Variants in ILKAP observed in about 807,000 individuals in gnomAD.
ILKAP encodes the protein integrin-linked kinase-associated serine/threonine phosphatase 2C.
A neutral mutation model predicts 49.1 loss-of-function variants in ILKAP; 11 were observed. That is an observed-to-expected ratio of 0.22 (90% CI 0.14 to 0.37). The LOEUF (loss-of-function observed/expected upper bound fraction) is 0.37. ILKAP is among the 10% of genes least tolerant of loss of function. ILKAP has a pLI of 1.00. For synonymous variants in ILKAP, 186 were observed against 192.8 expected, an observed-to-expected ratio of 0.96 and a Z score of 0.29; for missense variants, 363 against 510.8, an observed-to-expected ratio of 0.71 and a Z score of 2.79.
At chr2:238,194,072 A>G (rs1189322215) in intron 3 of ILKAP, among the ~76,000 whole-genome samples, 1 of 152,266 alleles carries the variant, frequency 6.6e-6, no homozygotes, top group Admixed American at 6.5e-5. Flanking sequence ...CTGAACCTCA[A>G]GAAGTTAATA....
intron 9 of ILKAP, 68 bp from the exon 10 acceptor site, chr2:238,173,721 C>T: frequency 1.3e-6 from 2 of 1,521,432 alleles, no homozygotes; most frequent in East Asian, 2.3e-5. Context: ...CTTAGAATCT[C>T]ACCTTAAAAG....
intron 8 of ILKAP, 50 bp downstream of exon 8, chr2:238,183,603 T>C: frequency 7.7e-7 from 1 of 1,295,588 alleles, no homozygotes; most frequent in Non-Finnish European, 1.1e-6. Context: ...TAAAGTCTTT[T>C]CCCCATAAAA....
intron 1 of ILKAP, among the ~76,000 whole-genome samples, chr2:238,200,567 C>T (rs1305266237): frequency 6.6e-6 from 1 of 152,196 alleles, no homozygotes; most frequent in Non-Finnish European, 1.5e-5. Context: ...CCACTGTAAT[C>T]CCAGCACTCT....
intron 1 of ILKAP, among the ~76,000 whole-genome samples, chr2:238,196,030 T>C (rs1037381034): frequency 2.9e-5 from 3 of 102,288 alleles, no homozygotes; most frequent in African/African-American, 1.2e-4. Context: ...GGCAACACAG[T>C]GAGACTCTGT....
chr2:238,192,497 A>G (rs1694174079), intron 3 of ILKAP, among the ~76,000 whole-genome samples: 1 of 152,064 alleles, frequency 6.6e-6, no homozygotes, highest in Non-Finnish European at 1.5e-5. Flanking sequence ...CAGGAGATGG[A>G]AACCATCCTG....
intron 1 of ILKAP, among the ~76,000 whole-genome samples, chr2:238,198,440 T>C (rs1031382902): frequency 6.6e-6 from 1 of 152,170 alleles, no homozygotes; most frequent in Non-Finnish European, 1.5e-5. Context: ...GGTCTCACTA[T>C]GTTGCCCAGG....
chr2:238,176,088 T>C (rs1216384507), intron 9 of ILKAP, among the ~76,000 whole-genome samples: 2 of 147,098 alleles, frequency 1.4e-5, no homozygotes, highest in Non-Finnish European at 3.0e-5. Flanking sequence ...TCCCCTTCCC[T>C]CAGTTTCCCC....
intron 3 of ILKAP, among the ~76,000 whole-genome samples, chr2:238,193,595 A>C (rs1694230977): frequency 6.6e-6 from 1 of 152,226 alleles, no homozygotes; most frequent in Admixed American, 6.5e-5. Context: ...TGTGAGTGTG[A>C]GGATGCTGCA....
At chr2:238,201,181 GTTT>G (rs34064353) in intron 1 of ILKAP, among the ~76,000 whole-genome samples, 2 of 151,018 alleles carry the variant, frequency 1.3e-5, no homozygotes, top group East Asian at 1.9e-4. Context: ...TTCAAAGTAT[GTTT>G]TTTTTTTTTA....
intron 9 of ILKAP, among the ~76,000 whole-genome samples, chr2:238,175,626 AGCATCAC>A (rs1693417275): frequency 6.6e-6 from 1 of 152,210 alleles, no homozygotes; most frequent in Admixed American, 6.5e-5. Flanking sequence ...TCTGAGATCG[AGCATCAC>A]ACAAGGGTAA....
chr2:238,194,381 T>C, intron 2 of ILKAP, 50 bp from the exon 3 acceptor site: 6 of 1,568,040 alleles, frequency 3.8e-6, no homozygotes, highest in Non-Finnish European at 5.3e-6. Flanking sequence ...ATGTAAGACT[T>C]AAGTTTCAGA....
chr2:238,197,561 G>A (rs1694396944), intron 1 of ILKAP, among the ~76,000 whole-genome samples: 1 of 152,126 alleles, frequency 6.6e-6, no homozygotes, highest in African/African-American at 2.4e-5. Context: ...CTTTTACCCA[G>A]GTAATAAATA....
intron 9 of ILKAP, among the ~76,000 whole-genome samples, chr2:238,174,889 T>C (rs1399484871): frequency 2.0e-5 from 3 of 152,190 alleles, no homozygotes; most frequent in Non-Finnish European, 4.4e-5. Context: ...ACCTCTCCCA[T>C]GACCAGGTGA....
chr2:238,171,378 C>G (rs1247971973), intron 10 of ILKAP, among the ~76,000 whole-genome samples: 1 of 152,088 alleles, frequency 6.6e-6, no homozygotes, highest in Non-Finnish European at 1.5e-5. Context: ...CCAGGCTGGT[C>G]TCAAACTCCT....
In ILKAP at chr2:238,172,015, G is replaced by GT. The variant is rs1450039227; in HGVS notation, c.957-992dup. ...CTTTTCTCACTGTAATATCTGTGGG[G>GT]TTTTTTTGTGTTTTTTTTTCTTTGT... On this transcript the variant is annotated intron_variant, in intron 10 of 11. Transcript: ENST00000254654. Among the ~76,000 whole-genome samples the GT allele has an allele frequency of 7.2e-5, 11 of 152,138 alleles. No individual in the cohort carries two copies. The South Asian group carries it at 1.5e-3, about 20-fold the overall frequency.
At chr2:238,184,714 C>T (rs917417679) in intron 6 of ILKAP, among the ~76,000 whole-genome samples, 21 of 145,424 alleles carry the variant, frequency 1.4e-4, no homozygotes, top group Admixed American at 1.3e-3. Context: ...GCACATACCA[C>T]CATGTCCAGT....
intron 1 of ILKAP, among the ~76,000 whole-genome samples, chr2:238,195,623 T>A (rs1694310061): frequency 6.6e-6 from 1 of 152,222 alleles, no homozygotes; most frequent in African/African-American, 2.4e-5. Context: ...AGCTATTAGA[T>A]ATCTGAACTG....
At chr2:238,183,837 A>G (rs1693793308) in intron 7 of ILKAP, 97 bp from the exon 8 acceptor site, 2 of 1,030,820 alleles carry the variant, frequency 1.9e-6, no homozygotes, top group Non-Finnish European at 2.9e-6. Context: ...ATATTTCAAA[A>G]TGAACCATTT....
At chr2:238,176,947 A>T (rs752652569) in intron 9 of ILKAP, among the ~76,000 whole-genome samples, 7 of 152,264 alleles carry the variant, frequency 4.6e-5, no homozygotes, top group Non-Finnish European at 7.3e-5. Flanking sequence ...AACCAAAGGT[A>T]CAATGCTAGA....
Sources: gnomAD v4.1 joint callset for allele counts (sites outside exome capture counted in the v4.1 genomes callset) on GRCh38, gnomAD v4.1.1 for gene constraint, MANE v1.5 for transcripts, NCBI Gene and HGNC (gene_info 2026-07-23, HGNC 2026-07-21) for gene names.